QKI: variants seen among roughly 807,000 people sequenced by gnomAD.
The protein encoded by QKI is QKI, KH domain containing RNA binding, also known as KH domain-containing RNA-binding protein QKI.
In QKI, 10 loss-of-function variants were observed where a neutral mutation model predicts 39.0. That is an observed-to-expected ratio of 0.26 (90% confidence interval 0.16 to 0.43). The LOEUF (loss-of-function observed/expected upper bound fraction) is 0.43. Ranked by LOEUF, QKI falls within the 20% of genes least tolerant of loss-of-function variation. The probability of loss-of-function intolerance (pLI) is 1.00; values close to 1 mark genes in which losing one functional copy is unlikely to be tolerated. For missense variants in QKI, 218 were observed against 428.0 expected, an observed-to-expected ratio of 0.51 and a Z score of 4.33; for synonymous variants, 204 against 155.4, an observed-to-expected ratio of 1.31 and a Z score of -2.33.
intron 4 of QKI, among the ~76,000 whole-genome samples, chr6:163,537,410 T>TA (rs1781270586): frequency 6.6e-6 from 1 of 152,252 alleles, no homozygotes; most frequent in Admixed American, 6.5e-5. Flanking sequence ...AACTCACTGT[T>TA]ACTGTTTTCA....
chr6:163,455,456 C>T (rs1255261381), intron 2 of QKI, 35 bp downstream of exon 2: 2 of 1,574,916 alleles, frequency 1.3e-6, no homozygotes, highest in East Asian at 2.3e-5. Context: ...CAATTTTGTT[C>T]TGCTTCACAT....
At chr6:163,524,737 A>G (rs572964316) in intron 3 of QKI, among the ~76,000 whole-genome samples, 58 of 152,222 alleles carry the variant, frequency 3.8e-4, no homozygotes, top group African/African-American at 1.3e-3. Flanking sequence ...AAAGTGCTGG[A>G]ATTACAGGCA....
At chr6:163,562,333 G>A (rs1221175317) in intron 5 of QKI, among the ~76,000 whole-genome samples, 2 of 152,158 alleles carry the variant, frequency 1.3e-5, no homozygotes, top group East Asian at 1.9e-4. Context: ...CTAAATTCAA[G>A]TGTTTAAGAA....
intron 1 of QKI, among the ~76,000 whole-genome samples, chr6:163,445,749 G>C (rs1790106055): frequency 6.6e-6 from 1 of 151,946 alleles, no homozygotes; most frequent in Non-Finnish European, 1.5e-5. Context: ...TGAGTAGCTG[G>C]GACTACAGGC....
intron 2 of QKI, among the ~76,000 whole-genome samples, chr6:163,472,458 C>G (rs1156648131): frequency 1.3e-5 from 2 of 152,116 alleles, no homozygotes; most frequent in East Asian, 3.9e-4. Flanking sequence ...GAAAAATGTT[C>G]TGTAAGTAGA....
At chr6:163,449,337 A>T (rs17176494) in intron 1 of QKI, among the ~76,000 whole-genome samples, 11,979 of 152,276 alleles carry the variant, frequency 0.079, 533 homozygotes, top group Middle Eastern at 0.12. Context: ...AAGCACAGTT[A>T]TGGTCAAATG....
At position 163,572,408 on chromosome 6, in the gene QKI, A is replaced by G. The variant is rs1288935278; in HGVS notation, c.*1698A>G. 1.3e-5 allele frequency: 2 copies of G among 152,206 alleles called. No homozygotes were observed. Among genetic ancestry groups the G allele is most frequent in the Admixed American group, 6.5e-5 (1 of 15,274 alleles). 9.4% of individuals were successfully genotyped at this position (152,206 alleles called of 1,614,324 possible). On this transcript the variant is annotated 3_prime_UTR_variant, in exon 8 of 8. Coordinates refer to ENST00000361752, the MANE Select transcript of QKI (RefSeq NM_006775.3). ...ATCACATGTCTTTATATCATACCAG[A>G]TAACTGGTGTAGTGTATCCTTTTAC...
At chr6:163,422,545 C>G (rs1053732525) in intron 1 of QKI, among the ~76,000 whole-genome samples, 1 of 152,132 alleles carries the variant, frequency 6.6e-6, no homozygotes, top group Non-Finnish European at 1.5e-5. Context: ...GTGTTATGAT[C>G]ATGCTACTGC....
intron 1 of QKI, among the ~76,000 whole-genome samples, chr6:163,449,058 A>G (rs1790360860): frequency 6.6e-6 from 1 of 152,168 alleles, no homozygotes; most frequent in Non-Finnish European, 1.5e-5. Context: ...GTATTATCTA[A>G]ATAAAAACGA....
chr6:163,495,775 A>G (rs560820036), intron 3 of QKI, among the ~76,000 whole-genome samples: 8 of 152,286 alleles, frequency 5.3e-5, no homozygotes, highest in Middle Eastern at 3.4e-3. Context: ...GACTAGATTC[A>G]GGCCATGCAT....
rs1334645155 is a variant in QKI, at chr6:163,574,116, A to T, written c.*3406A>T. Reference sequence around the variant, plus strand: ...TTGCCTTTCAGCATCTGCATTACTAATTCCACACCTTATTTTTCCTTCTCC... The same window carrying T: ...TTGCCTTTCAGCATCTGCATTACTATTTCCACACCTTATTTTTCCTTCTCC... On this transcript the variant is annotated 3_prime_UTR_variant, in exon 8 of 8. Transcript: ENST00000361752. The T allele has an allele frequency of 2.0e-5, 3 of 152,114 alleles. No individual in the cohort carries two copies. The highest frequency in any genetic ancestry group is 7.2e-5 in the African/African-American group (3 of 41,400). The allele number at this position is 152,114 out of a possible 1,614,324, so 9.4% of individuals were successfully genotyped here.
chr6:163,527,888 C>T (rs763141380), intron 3 of QKI, among the ~76,000 whole-genome samples: 13 of 152,000 alleles, frequency 8.6e-5, no homozygotes, highest in Non-Finnish European at 1.6e-4. Context: ...TTTTAACAAC[C>T]TCACCTATTC....
intron 4 of QKI, among the ~76,000 whole-genome samples, chr6:163,547,642 C>T (rs563582673): frequency 6.6e-6 from 1 of 152,086 alleles, no homozygotes; most frequent in Non-Finnish European, 1.5e-5. Context: ...CCCTTGTTTT[C>T]TCTGTAGAAT....
chr6:163,508,419 G>C (rs1779228563), intron 3 of QKI, among the ~76,000 whole-genome samples: 1 of 151,986 alleles, frequency 6.6e-6, no homozygotes, highest in Non-Finnish European at 1.5e-5. Context: ...CATATATAGG[G>C]GAACAATGAT....
At chr6:163,542,819 A>G (rs1483612631) in intron 4 of QKI, among the ~76,000 whole-genome samples, 1 of 152,034 alleles carries the variant, frequency 6.6e-6, no homozygotes, top group Non-Finnish European at 1.5e-5. Flanking sequence ...ATAAAAGTAA[A>G]TGATCTAATA....
At chr6:163,447,608 A>G (rs950701129) in intron 1 of QKI, among the ~76,000 whole-genome samples, 4 of 152,142 alleles carry the variant, frequency 2.6e-5, no homozygotes, top group Admixed American at 2.6e-4. Flanking sequence ...ACATAACGAT[A>G]TTTGTTAATT....
intron 1 of QKI, among the ~76,000 whole-genome samples, chr6:163,425,005 T>C (rs1582959844): frequency 1.3e-5 from 2 of 152,124 alleles, no homozygotes; most frequent in South Asian, 4.1e-4. Context: ...AAAACAGCTT[T>C]TAGAGAATGA....
intron 3 of QKI, among the ~76,000 whole-genome samples, chr6:163,506,824 A>G (rs1400529395): frequency 2.0e-5 from 3 of 152,134 alleles, no homozygotes; most frequent in Admixed American, 1.3e-4. Flanking sequence ...TATTAATACT[A>G]TTTTCATACA....
At chr6:163,462,539 T>C (rs1392728310) in intron 2 of QKI, among the ~76,000 whole-genome samples, 2 of 152,240 alleles carry the variant, frequency 1.3e-5, no homozygotes, top group African/African-American at 4.8e-5. Flanking sequence ...TTTTGATTAG[T>C]TTCTTTGTAC....
Sources: allele counts gnomAD v4.1 joint callset (sites outside exome capture counted in the v4.1 genomes callset), GRCh38; gene constraint gnomAD v4.1.1; transcripts MANE v1.5; gene names NCBI Gene and HGNC (gene_info 2026-07-23, HGNC 2026-07-21).